The following TCF7L1 variants were observed in gnomAD, a reference collection of about 807,000 sequenced individuals.
TCF7L1 encodes transcription factor 7-like 1.
In TCF7L1, 18 loss-of-function variants were observed where a neutral mutation model predicts 63.7. The observed-to-expected ratio is 0.28, with a 90% confidence interval of 0.20 to 0.42. The LOEUF is 0.42. Among genes scored for constraint, TCF7L1 ranks in the 10% least tolerant of loss-of-function variants. The probability of loss-of-function intolerance (pLI) is 1.00; values close to 1 mark genes in which losing one functional copy is unlikely to be tolerated. For synonymous variants in TCF7L1, 355 were observed against 340.9 expected (o/e 1.04, Z -0.46); for missense variants, 654 against 779.3 (o/e 0.84, Z 1.91).
At chr2:85,203,563 CA>C (rs201002550) in intron 3 of TCF7L1, among the ~76,000 whole-genome samples, 2 of 150,830 alleles carry the variant, frequency 1.3e-5, no homozygotes, top group South Asian at 2.1e-4. Flanking sequence ...CCTGTCTCTA[CA>C]AAAAAAAATT....
chr2:85,251,574 C>G (rs1040800227), intron 3 of TCF7L1, among the ~76,000 whole-genome samples: 1 of 152,184 alleles, frequency 6.6e-6, no homozygotes, highest in Non-Finnish European at 1.5e-5. Flanking sequence ...CTGTTTACCT[C>G]TTCAGGACAG....
chr2:85,217,476 G>A (rs1246715814), intron 3 of TCF7L1, among the ~76,000 whole-genome samples: 1 of 152,172 alleles, frequency 6.6e-6, no homozygotes, highest in African/African-American at 2.4e-5. Context: ...AGCATAGGGT[G>A]TCACAGCCTG....
intron 3 of TCF7L1, among the ~76,000 whole-genome samples, chr2:85,174,227 C>A (rs1446870195): frequency 6.6e-6 from 1 of 152,150 alleles, no homozygotes; most frequent in South Asian, 2.1e-4. Context: ...TAAAGGGAAT[C>A]GTACAGTGTG....
intron 3 of TCF7L1, among the ~76,000 whole-genome samples, chr2:85,208,408 A>G (rs1163387454): frequency 6.6e-6 from 1 of 152,182 alleles, no homozygotes; most frequent in Admixed American, 6.5e-5. Flanking sequence ...CAGGTGGGAA[A>G]GGGCACTATG....
At chr2:85,183,342 C>T (rs1305200855) in intron 3 of TCF7L1, among the ~76,000 whole-genome samples, 1 of 152,132 alleles carries the variant, frequency 6.6e-6, no homozygotes, top group East Asian at 1.9e-4. Context: ...GGGGAGTCAC[C>T]TAGGACTTGG....
chr2:85,294,277 G>C (rs550996786), intron 4 of TCF7L1, among the ~76,000 whole-genome samples: 1 of 150,014 alleles, frequency 6.7e-6, no homozygotes, highest in Non-Finnish European at 1.5e-5. Flanking sequence ...ACCTTGTGAC[G>C]TGCCCGCCTC....
At chr2:85,135,737 G>T (rs1677576896) in intron 3 of TCF7L1, among the ~76,000 whole-genome samples, 1 of 151,900 alleles carries the variant, frequency 6.6e-6, no homozygotes, top group African/African-American at 2.4e-5. Context: ...GAGAGAGAGG[G>T]GAATGGGGAG....
Position 85,134,506 on chromosome 2 carries a change from GC to G in TCF7L1, c.441+61del, listed in dbSNP as rs1254831703. Reference sequence around the variant, plus strand: ...TGGGAGGCCGCGGCCCGCAGGATGCGCCCCCGGGCTTGGCCATGGAGTGGGG... The same window carrying G: ...TGGGAGGCCGCGGCCCGCAGGATGCGCCCCGGGCTTGGCCATGGAGTGGGG... On this transcript the variant is annotated intron_variant, in intron 3 of 11. Transcript: ENST00000282111. This position sits in a 1 kb window ranked among gnomAD's most constrained non-coding sequence, Gnocchi z 5.0. 2 of 1,536,942 alleles carry G rather than the reference GC, an allele frequency of 1.3e-6. No homozygotes were observed. Among genetic ancestry groups the G allele is most frequent in the Admixed American group, 2.0e-5 (1 of 49,404 alleles).
At position 85,303,904 on chromosome 2, in the gene TCF7L1, G is replaced by A. The variant is rs1184586718; in HGVS notation, c.668G>A (p.Arg223Gln). ...PEIDPKTGIP[R>Q]PPHPSELSPY... is the part of the protein sequence containing the mutation. ...CTCTCTTTGGAAGCAGGAATCCCCC[G>A]GCCCCCTCACCCATCCGAGCTGTCA... The change falls in exon 6 of 12, where the codon CGG becomes CAG. Residue 223 changes from arginine (R) to glutamine (Q), a missense_variant. Physicochemically the swap from Arg to Gln is conservative, Grantham distance 43. Coordinates refer to ENST00000282111, the MANE Select transcript of TCF7L1 (RefSeq NM_031283.3). 3.9e-5 allele frequency: 63 copies of A among 1,609,856 alleles called. No individual in the cohort carries two copies. Among genetic ancestry groups the A allele is most frequent in the Non-Finnish European group, 5.3e-5 (63 of 1,177,600 alleles).
chr2:85,215,894 G>T (rs1289936572), intron 3 of TCF7L1, among the ~76,000 whole-genome samples: 2 of 152,076 alleles, frequency 1.3e-5, no homozygotes, highest in African/African-American at 4.8e-5. Flanking sequence ...ATTTGTTCAG[G>T]CAGTGAACAG....
intron 3 of TCF7L1, among the ~76,000 whole-genome samples, chr2:85,145,365 A>G (rs1453271089): frequency 6.6e-6 from 1 of 152,224 alleles, no homozygotes; most frequent in African/African-American, 2.4e-5. Context: ...GGCAACTGTG[A>G]TTAAGGAACA....
rs1679187601 is a variant in TCF7L1 at position 85,197,640 on chromosome 2, T to C, written c.441+63190T>C. ...CAAAACAAAATTCAAAAATAAAATA[T>C]TAGCTGATGTGGCTGATATAAGACA... On this transcript the variant is annotated intron_variant, in intron 3 of 11. Coordinates refer to ENST00000282111, the MANE Select transcript of TCF7L1 (RefSeq NM_031283.3). Among the ~76,000 whole-genome samples, 3 of 152,358 alleles carry C rather than the reference T, an allele frequency of 2.0e-5. No homozygotes were observed. In the South Asian group the frequency reaches 6.2e-4, roughly 32 times the overall value.
At chr2:85,308,452 C>CCTCCCTTCCTTT (rs1313151525) in intron 11 of TCF7L1, among the ~76,000 whole-genome samples, 159 of 81,956 alleles carry the variant, frequency 1.9e-3, no homozygotes, top group African/African-American at 9.5e-3. Context: ...TTTCTCTTTC[C>CCTCCCTTCCTTT]CTCCCTCTCT....
chr2:85,198,711 A>C (rs1247708474), intron 3 of TCF7L1, among the ~76,000 whole-genome samples: 2 of 152,166 alleles, frequency 1.3e-5, no homozygotes, highest in East Asian at 3.9e-4. Flanking sequence ...TCTACAAAAA[A>C]TTAGCTGGGT....
At chr2:85,185,990 G>T (rs1295894526) in intron 3 of TCF7L1, among the ~76,000 whole-genome samples, 1 of 130,948 alleles carries the variant, frequency 7.6e-6, no homozygotes, top group Non-Finnish European at 1.6e-5. Context: ...TTTTTGAGAC[G>T]GAGTCTCGCT....
intron 3 of TCF7L1, among the ~76,000 whole-genome samples, chr2:85,210,728 A>C (rs1272184491): frequency 6.6e-6 from 1 of 152,138 alleles, no homozygotes; most frequent in Admixed American, 6.5e-5. Context: ...CTAAATAATA[A>C]CATGGTCATT....
At chr2:85,210,286 G>A (rs1679512667) in intron 3 of TCF7L1, among the ~76,000 whole-genome samples, 1 of 152,168 alleles carries the variant, frequency 6.6e-6, no homozygotes. Context: ...TCTACCTTCT[G>A]CCCTGCTGGG....
rs201272934 is a variant in TCF7L1 at position 85,134,304 on chromosome 2, G to C, written c.314-19G>C. ...GTCCCGGGGGCCTGGGCCTCACCTC[G>C]CCTTGGTCTTGTTCGCAGTGAGAAG... On this transcript the variant is annotated intron_variant, in intron 2 of 11. Coordinates refer to ENST00000282111, the MANE Select transcript of TCF7L1 (RefSeq NM_031283.3). This position sits in a 1 kb window ranked among gnomAD's most constrained non-coding sequence, Gnocchi z 5.0. 3.7e-3 allele frequency: 5,791 copies of C among 1,572,912 alleles called. 23 individuals are homozygous for C. The highest frequency in any genetic ancestry group is 3.7e-3 in the Non-Finnish European group (4,276 of 1,158,718).
intron 3 of TCF7L1, among the ~76,000 whole-genome samples, chr2:85,163,357 C>T (rs900289547): frequency 4.6e-5 from 7 of 152,166 alleles, no homozygotes; most frequent in African/African-American, 1.7e-4. Context: ...CCCCATAAGA[C>T]CATGGGCTGG....
Sources: allele counts gnomAD v4.1 joint callset (sites outside exome capture counted in the v4.1 genomes callset), GRCh38; gene constraint gnomAD v4.1.1; non-coding constraint Gnocchi (gnomAD v3.1); transcripts MANE v1.5; gene names NCBI Gene and HGNC (gene_info 2026-07-23, HGNC 2026-07-21).